The following TMEM178A variants were observed in gnomAD, a reference collection of about 807,000 sequenced individuals.
TMEM178A encodes transmembrane protein 178.
TMEM178A carries 12 observed loss-of-function variants against 29.1 expected under a neutral mutation model. That is an observed-to-expected ratio of 0.41 (90% confidence interval 0.26 to 0.67). The LOEUF is 0.67. Ranked by LOEUF, TMEM178A falls within the 30% of genes least tolerant of loss-of-function variation. The pLI is 0.29. For missense variants in TMEM178A, 366 were observed against 419.1 expected (o/e 0.87, Z 1.11); for synonymous variants, 210 against 187.2 (o/e 1.12, Z -0.99).
intron 3 of TMEM178A, among the ~76,000 whole-genome samples, chr2:39,710,659 A>C (rs1016793562): frequency 1.3e-5 from 2 of 152,208 alleles, no homozygotes; most frequent in African/African-American, 4.8e-5. Flanking sequence ...GAGATAAATT[A>C]GCTGTAGAAC....
chr2:39,730,427 T>G, the TMEM178A span, among the ~76,000 whole-genome samples: 1 of 152,102 alleles, frequency 6.6e-6, no homozygotes, highest in Non-Finnish European at 1.5e-5. Context: ...GTCCCCAAGA[T>G]CACTAGGTCC....
In TMEM178A at chr2:39,666,377, G is replaced by GTCGCCC; in HGVS notation, c.400+3_400+4insTCGCCC. 1 of 1,371,076 alleles carries GTCGCCC rather than the reference G, an allele frequency of 7.3e-7. No homozygotes were observed. Among genetic ancestry groups the GTCGCCC allele is most frequent in the Non-Finnish European group, 9.5e-7 (1 of 1,056,900 alleles). The allele number at this position is 1,371,076 out of a possible 1,614,324, so 84.9% of individuals were successfully genotyped here. On this transcript the variant is annotated splice_donor_region_variant and intron_variant, in intron 1 of 3. Transcript: ENST00000281961. Reference sequence around the variant, plus strand: ...CATCGACACCCTCATCCTGAAAGGTGAGCGGCGGGCGCACCCCGCGTCCCC... The same window carrying GTCGCCC: ...CATCGACACCCTCATCCTGAAAGGTGTCGCCCAGCGGCGGGCGCACCCCGCGTCCCC...
At chr2:39,675,133 A>G (rs1670562380) in intron 1 of TMEM178A, among the ~76,000 whole-genome samples, 1 of 152,192 alleles carries the variant, frequency 6.6e-6, no homozygotes, top group South Asian at 2.1e-4. Context: ...GTTTTAATTT[A>G]TGAGACAGAA....
At chr2:39,665,620 A>C, upstream of TMEM178A, 1 of 203,348 alleles carries the variant, frequency 4.9e-6, no homozygotes, top group East Asian at 9.6e-5. Context: ...GCTGGAGAGG[A>C]GGGCGGACTG....
At chr2:39,681,094 C>A (rs749432128) in intron 1 of TMEM178A, among the ~76,000 whole-genome samples, 1 of 152,048 alleles carries the variant, frequency 6.6e-6, no homozygotes, top group Non-Finnish European at 1.5e-5. Flanking sequence ...GAAATTTGAA[C>A]ATGACATGAC....
At chr2:39,703,975 C>G (rs896835604) in intron 1 of TMEM178A, 106 bp from the exon 2 acceptor site, 1 of 755,384 alleles carries the variant, frequency 1.3e-6, no homozygotes, top group Middle Eastern at 2.3e-4. Context: ...AGATTCTTAT[C>G]CCATCTCCCA....
chr2:39,735,165 A>C, the TMEM178A span, among the ~76,000 whole-genome samples: 1 of 152,128 alleles, frequency 6.6e-6, no homozygotes, highest in South Asian at 2.1e-4. Flanking sequence ...CATCTCATCT[A>C]ATATACCACC....
intron 3 of TMEM178A, among the ~76,000 whole-genome samples, chr2:39,715,163 A>T (rs1481353508): frequency 2.6e-5 from 4 of 152,226 alleles, no homozygotes; most frequent in Admixed American, 2.0e-4. Flanking sequence ...TTTGAACTCA[A>T]GCTTTCATAG....
At chr2:39,729,719 C>G in the TMEM178A span, among the ~76,000 whole-genome samples, 1 of 152,290 alleles carries the variant, frequency 6.6e-6, no homozygotes, top group African/African-American at 2.4e-5. Flanking sequence ...AGGGTTTAAA[C>G]TATGCGATGG....
intron 3 of TMEM178A, 121 bp from the exon 4 acceptor site, chr2:39,716,888 AT>A: frequency 8.3e-7 from 1 of 1,205,972 alleles, no homozygotes; most frequent in Admixed American, 2.3e-5. Flanking sequence ...ATTATGGATC[AT>A]TTGTGAATTT....
chr2:39,669,484 A>ATT lies in TMEM178A; in HGVS notation c.400+3112_400+3113dup, dbSNP rs1670320167. On this transcript the variant is annotated intron_variant, in intron 1 of 3. Coordinates refer to ENST00000281961, the MANE Select transcript of TMEM178A (RefSeq NM_152390.3). The stretch of plus-strand genomic sequence containing the variant: ...GAGAAATCACTGGAGCTAGAAAAGC[A>ATT]TTTATCTCAATGGGACAAGTATTTG... Among the ~76,000 whole-genome samples, 3 of 152,240 alleles carry ATT rather than the reference A, an allele frequency of 2.0e-5. No individual in the cohort carries two copies. The South Asian group carries it at 6.2e-4, about 31-fold the overall frequency.
At chr2:39,703,836 G>C (rs944681685) in intron 1 of TMEM178A, among the ~76,000 whole-genome samples, 3 of 152,116 alleles carry the variant, frequency 2.0e-5, no homozygotes, top group African/African-American at 7.2e-5. Context: ...TTTGTGTTTA[G>C]GTAAAACAAG....
At chr2:39,699,647 G>A (rs1347728329) in intron 1 of TMEM178A, among the ~76,000 whole-genome samples, 1 of 151,964 alleles carries the variant, frequency 6.6e-6, no homozygotes, top group Non-Finnish European at 1.5e-5. Flanking sequence ...TTTAGAGACA[G>A]GGTCTCACTA....
chr2:39,708,421 T>TC (rs1019236801), intron 3 of TMEM178A, among the ~76,000 whole-genome samples: 1 of 137,362 alleles, frequency 7.3e-6, no homozygotes, highest in African/African-American at 2.7e-5. Flanking sequence ...TTTTTTTTTT[T>TC]TTTTTTTTTT....
chr2:39,726,772 C>A, the TMEM178A span, among the ~76,000 whole-genome samples: 8 of 151,806 alleles, frequency 5.3e-5, no homozygotes, highest in African/African-American at 1.7e-4. Context: ...AGCAGGGTGA[C>A]CAAAAAATGG....
chr2:39,665,930 C>A lies in TMEM178A; in HGVS notation c.-45C>A, dbSNP rs1432382316. 2 of 1,341,410 alleles carry A rather than the reference C, an allele frequency of 1.5e-6. No homozygotes were observed. Among genetic ancestry groups the A allele is most frequent in the Non-Finnish European group, 9.5e-7 (1 of 1,050,320 alleles). 83.1% of individuals were successfully genotyped at this position (1,341,410 alleles called of 1,614,324 possible). Reference sequence around the variant, plus strand: ...CTGGGGCCAAGTGCATTGTGTCTGGCGGCGGCGCGCGAGCCCACCGGCGGC... The same window carrying A: ...CTGGGGCCAAGTGCATTGTGTCTGGAGGCGGCGCGCGAGCCCACCGGCGGC... On this transcript the variant is annotated 5_prime_UTR_variant, in exon 1 of 4. Transcript: ENST00000281961.
chr2:39,701,316 A>C (rs1671771654), intron 1 of TMEM178A, among the ~76,000 whole-genome samples: 1 of 152,140 alleles, frequency 6.6e-6, no homozygotes, highest in Admixed American at 6.5e-5. Flanking sequence ...ACTTTGATGC[A>C]TATAGGATTC....
chr2:39,692,076 G>T (rs1333395595), intron 1 of TMEM178A, among the ~76,000 whole-genome samples: 1 of 152,088 alleles, frequency 6.6e-6, no homozygotes, highest in Non-Finnish European at 1.5e-5. Context: ...GACAAATACT[G>T]CATGATCTCA....
chr2:39,690,727 C>T (rs942287195), intron 1 of TMEM178A, among the ~76,000 whole-genome samples: 6 of 152,232 alleles, frequency 3.9e-5, no homozygotes, highest in Admixed American at 3.9e-4. Context: ...AAATAAAGTC[C>T]CAGTAGCTGG....
Sources: gnomAD v4.1 joint callset for allele counts (sites outside exome capture counted in the v4.1 genomes callset) on GRCh38, gnomAD v4.1.1 for gene constraint, MANE v1.5 for transcripts, NCBI Gene and HGNC (gene_info 2026-07-23, HGNC 2026-07-21) for gene names.